Variants in AUTS2 observed in about 807,000 individuals in gnomAD.
The protein encoded by AUTS2 is autism susceptibility gene 2 protein.
A neutral mutation model predicts 112.4 loss-of-function variants in AUTS2; 17 were observed. The ratio of observed to expected loss-of-function variants is 0.15; its 90% CI spans 0.10 to 0.23. The LOEUF is 0.23. Ranked by LOEUF, AUTS2 falls within the 10% of genes least tolerant of loss-of-function variation. The pLI is 1.00. For missense variants in AUTS2, 1,510 were observed against 1,701.6 expected (o/e 0.89, Z 1.98); for synonymous variants, 751 against 702.7 (o/e 1.07, Z -1.09).
At position 70,114,247 on chromosome 7, in the gene AUTS2, G is replaced by A. The variant is rs138136873; in HGVS notation, c.523-3885G>A. On this transcript the variant is annotated intron_variant, in intron 2 of 18. Coordinates refer to ENST00000342771, the MANE Select transcript of AUTS2 (RefSeq NM_015570.4). ...TAAACAAGGTCCTGAAGTATGTAAA[G>A]GCTGATGGTAAGAAATCTTACTGTA... Among the ~76,000 whole-genome samples, 493 of 152,312 alleles carry A rather than the reference G, an allele frequency of 3.2e-3. 3 individuals carry two copies. The highest frequency in any genetic ancestry group is 0.011 in the African/African-American group (467 of 41,572).
At chr7:69,859,886 T>C (rs1792897812) in intron 1 of AUTS2, among the ~76,000 whole-genome samples, 1 of 152,092 alleles carries the variant, frequency 6.6e-6, no homozygotes, top group Non-Finnish European at 1.5e-5. Context: ...GAAAATGACC[T>C]TGAGGATCCA....
chr7:70,365,867 T>TTCCA (rs2129628757), intron 4 of AUTS2, among the ~76,000 whole-genome samples: 1 of 152,312 alleles, frequency 6.6e-6, no homozygotes, highest in East Asian at 1.9e-4. Context: ...CAGGGCAACC[T>TTCCA]GGAAAGGAGT....
chr7:69,654,222 G>C (rs1795415692), intron 1 of AUTS2, among the ~76,000 whole-genome samples: 1 of 152,098 alleles, frequency 6.6e-6, no homozygotes, highest in Admixed American at 6.6e-5. Context: ...CTCTTTTGAA[G>C]TCATCTTGAT....
At chr7:70,020,232 A>AAATGATATTGCT (rs1268574682) in intron 2 of AUTS2, among the ~76,000 whole-genome samples, 22 of 152,200 alleles carry the variant, frequency 1.4e-4, no homozygotes, top group African/African-American at 5.1e-4. Flanking sequence ...GGCATTTAGT[A>AAATGATATTGCT]GAATGCAATA....
intron 1 of AUTS2, among the ~76,000 whole-genome samples, chr7:69,749,067 T>G (rs1330232809): frequency 6.6e-6 from 1 of 152,064 alleles, no homozygotes; most frequent in African/African-American, 2.4e-5. Flanking sequence ...GTCTATAAAT[T>G]GGGAATAATA....
intron 5 of AUTS2, among the ~76,000 whole-genome samples, chr7:70,678,336 G>C (rs1469737607): frequency 6.6e-6 from 1 of 152,112 alleles, no homozygotes; most frequent in African/African-American, 2.4e-5. Context: ...ACAAACTGTT[G>C]GATTTAAGGA....
At chr7:70,087,856 T>C (rs944972465) in intron 2 of AUTS2, among the ~76,000 whole-genome samples, 1 of 152,180 alleles carries the variant, frequency 6.6e-6, no homozygotes, top group African/African-American at 2.4e-5. Context: ...GTTTTCTTTA[T>C]AGGAAATTTT....
At chr7:69,873,340 C>T (rs1793587907) in intron 1 of AUTS2, among the ~76,000 whole-genome samples, 1 of 151,510 alleles carries the variant, frequency 6.6e-6, no homozygotes, top group African/African-American at 2.4e-5. Flanking sequence ...GGTTCTCAGC[C>T]CTTATTGGTA....
chr7:70,047,346 T>C (rs1801552007), intron 2 of AUTS2, among the ~76,000 whole-genome samples: 1 of 152,190 alleles, frequency 6.6e-6, no homozygotes, highest in Non-Finnish European at 1.5e-5. Context: ...CTCACGGAGC[T>C]CACAGGGGAT....
At chr7:69,953,243 C>G (rs925106017) in intron 2 of AUTS2, among the ~76,000 whole-genome samples, 1 of 152,120 alleles carries the variant, frequency 6.6e-6, no homozygotes, top group Non-Finnish European at 1.5e-5. Flanking sequence ...CGCCTGATGC[C>G]CCTTTCAAGC....
chr7:70,649,206 AGTTTGAGACCTTTAGATTAG>A (rs992274537), intron 5 of AUTS2, among the ~76,000 whole-genome samples: 27 of 152,120 alleles, frequency 1.8e-4, no homozygotes, highest in African/African-American at 6.5e-4. Context: ...TTAGATTAGA[AGTTTGAGACCTTTAGATTAG>A]AAGTTTGAGA....
chr7:70,696,040 A>T (rs1280945804), intron 5 of AUTS2, among the ~76,000 whole-genome samples: 19 of 151,954 alleles, frequency 1.3e-4, no homozygotes, highest in Non-Finnish European at 2.9e-5. Context: ...TTAAAAAGCC[A>T]GGAAAATGGT....
intron 2 of AUTS2, among the ~76,000 whole-genome samples, chr7:70,066,934 C>T (rs999105677): frequency 6.6e-6 from 1 of 152,128 alleles, no homozygotes; most frequent in Non-Finnish European, 1.5e-5. Context: ...TTTGTCCTCC[C>T]CTGAGAGCTA....
At chr7:69,938,240 T>C (rs1218164416) in intron 2 of AUTS2, among the ~76,000 whole-genome samples, 1 of 152,172 alleles carries the variant, frequency 6.6e-6, no homozygotes, top group Non-Finnish European at 1.5e-5. Flanking sequence ...CTCCCAGGCA[T>C]TCCTCTTTCC....
chr7:70,271,971 G>A (rs573018761), intron 4 of AUTS2, among the ~76,000 whole-genome samples: 51 of 152,278 alleles, frequency 3.3e-4, no homozygotes, highest in African/African-American at 1.2e-3. Flanking sequence ...AAGGCCCAAC[G>A]CCCTAATCTT....
At chr7:69,767,480 G>C (rs1788477671) in intron 1 of AUTS2, among the ~76,000 whole-genome samples, 1 of 152,150 alleles carries the variant, frequency 6.6e-6, no homozygotes, top group Non-Finnish European at 1.5e-5. Context: ...AGCCTAAAAA[G>C]ACATTTCTAA....
At chr7:70,785,273 A>C in intron 16 of AUTS2, 1 of 616,118 alleles carries the variant, frequency 1.6e-6, no homozygotes, top group Non-Finnish European at 3.0e-6. Context: ...CCCATGGTGC[A>C]GTGGGTGAGA....
chr7:70,324,072 A>G (rs935874400), intron 4 of AUTS2, among the ~76,000 whole-genome samples: 2 of 152,156 alleles, frequency 1.3e-5, no homozygotes, highest in African/African-American at 2.4e-5. Context: ...ATTTGTTGAC[A>G]CTCAGATTTG....
intron 1 of AUTS2, among the ~76,000 whole-genome samples, chr7:69,813,216 C>G (rs1210510869): frequency 6.6e-6 from 1 of 152,164 alleles, no homozygotes; most frequent in African/African-American, 2.4e-5. Flanking sequence ...TTCTCTTAGC[C>G]TGGAACATTT....
Sources: gnomAD v4.1 joint callset for allele counts (sites outside exome capture counted in the v4.1 genomes callset) on GRCh38, gnomAD v4.1.1 for gene constraint, MANE v1.5 for transcripts, NCBI Gene and HGNC (gene_info 2026-07-23, HGNC 2026-07-21) for gene names.